The following SYN3 variants were observed in gnomAD, a reference collection of about 807,000 sequenced individuals.
SYN3 encodes the protein synapsin III, also known as synapsin-3.
SYN3 carries 35 observed loss-of-function variants against 65.8 expected under a neutral mutation model. The observed-to-expected ratio is 0.53, with a 90% CI of 0.41 to 0.70. SYN3 has a LOEUF of 0.70. Ranked by LOEUF, SYN3 falls within the 30% of genes least tolerant of loss-of-function variation. The pLI is 0.00. For missense variants in SYN3, 680 were observed against 749.0 expected, an observed-to-expected ratio of 0.91 and a Z score of 1.08; for synonymous variants, 270 against 292.9, an observed-to-expected ratio of 0.92 and a Z score of 0.80.
intron 6 of SYN3, among the ~76,000 whole-genome samples, chr22:32,723,684 C>T (rs900629663): frequency 4.6e-5 from 7 of 152,244 alleles, no homozygotes; most frequent in African/African-American, 1.7e-4. Flanking sequence ...AGCCCCTCCA[C>T]CCCTTTATGA....
intron 6 of SYN3, among the ~76,000 whole-genome samples, chr22:32,608,504 A>C (rs1175687959): frequency 1.3e-5 from 2 of 152,254 alleles, no homozygotes; most frequent in Admixed American, 1.3e-4. Flanking sequence ...TTAAGATTAA[A>C]GATAAATGTA....
intron 6 of SYN3, among the ~76,000 whole-genome samples, chr22:32,687,474 T>C (rs1170639789): frequency 1.3e-5 from 2 of 152,170 alleles, no homozygotes; most frequent in African/African-American, 2.4e-5. Context: ...GTCTCCCTTT[T>C]AAATATACCT....
intron 1 of SYN3, among the ~76,000 whole-genome samples, chr22:33,028,900 C>T (rs1009866905): frequency 4.0e-5 from 6 of 151,888 alleles, no homozygotes; most frequent in African/African-American, 9.7e-5. Context: ...ACTAGCCGGG[C>T]GTGGTGGCGG....
At chr22:32,869,169 A>G in intron 4 of SYN3, 44 bp from the exon 5 acceptor site, 1 of 1,593,260 alleles carries the variant, frequency 6.3e-7, no homozygotes, top group Non-Finnish European at 8.6e-7. Flanking sequence ...GACATTGATG[A>G]AACACCAGGG....
intron 1 of SYN3, among the ~76,000 whole-genome samples, chr22:33,008,772 T>TA (rs1178065781): frequency 7.9e-5 from 12 of 151,296 alleles, no homozygotes; most frequent in Non-Finnish European, 1.6e-4. Flanking sequence ...ATAATTTTTT[T>TA]TAAAAAGCTG....
At chr22:32,977,667 C>T (rs2052243830) in intron 3 of SYN3, among the ~76,000 whole-genome samples, 1 of 151,288 alleles carries the variant, frequency 6.6e-6, no homozygotes. Context: ...TTGCTTGAAC[C>T]CGGGAGGCAG....
intron 6 of SYN3, among the ~76,000 whole-genome samples, chr22:32,825,748 A>C (rs5754304): frequency 0.057 from 8,459 of 147,176 alleles, 305 homozygotes; most frequent in African/African-American, 0.088. Flanking sequence ...TTATTTGTAC[A>C]TATGTGCATG....
chr22:32,516,298 C>T (rs867953550), intron 13 of SYN3, among the ~76,000 whole-genome samples: 10 of 152,048 alleles, frequency 6.6e-5, no homozygotes, highest in African/African-American at 9.7e-5. Flanking sequence ...GGTAGCAAAG[C>T]GTTGGATGAG....
intron 4 of SYN3, among the ~76,000 whole-genome samples, chr22:32,921,932 A>G (rs188965818): frequency 6.6e-6 from 1 of 152,280 alleles, no homozygotes; most frequent in East Asian, 1.9e-4. Flanking sequence ...GGCAGCCTGC[A>G]GCCTGCTCCA....
chr22:32,805,077 C>G (rs1406841028), intron 6 of SYN3, among the ~76,000 whole-genome samples: 1 of 152,082 alleles, frequency 6.6e-6, no homozygotes, highest in Non-Finnish European at 1.5e-5. Context: ...GCTGGCAGGG[C>G]TGAGGGGGGT....
intron 1 of SYN3, among the ~76,000 whole-genome samples, 190 bp from the exon 2 acceptor site, chr22:33,007,014 G>A (rs796947931): frequency 6.6e-5 from 10 of 152,110 alleles, no homozygotes; most frequent in South Asian, 2.1e-4. Context: ...GAATTATATC[G>A]CAAAGAAAGA....
intron 1 of SYN3, among the ~76,000 whole-genome samples, chr22:33,053,106 C>A (rs1029905727): frequency 6.6e-6 from 1 of 152,122 alleles, no homozygotes; most frequent in Non-Finnish European, 1.5e-5. Flanking sequence ...CTCCATATCC[C>A]AAGTATAAAA....
chr22:32,831,927 G>A (rs976901559), intron 6 of SYN3, among the ~76,000 whole-genome samples: 2 of 152,192 alleles, frequency 1.3e-5, no homozygotes, highest in African/African-American at 4.8e-5. Flanking sequence ...TTGAGGCAAG[G>A]AGCTGAATAA....
intron 6 of SYN3, among the ~76,000 whole-genome samples, chr22:32,820,976 C>G (rs2047230315): frequency 6.6e-6 from 1 of 152,130 alleles, no homozygotes. Flanking sequence ...CTGAGCCAAG[C>G]ATGACCAATC....
chr22:32,748,442 A>G (rs755512113), intron 6 of SYN3, among the ~76,000 whole-genome samples: 47 of 152,216 alleles, frequency 3.1e-4, no homozygotes, highest in Non-Finnish European at 5.3e-4. Context: ...AGAAAATGGC[A>G]AAACCAAGAA....
At chr22:32,860,986 T>C (rs920326345) in intron 6 of SYN3, 3 of 151,672 alleles carry the variant, frequency 2.0e-5, no homozygotes, top group African/African-American at 7.3e-5. Context: ...TAAGTTTTAG[T>C]GTCAAAAGTG....
intron 6 of SYN3, among the ~76,000 whole-genome samples, chr22:32,683,365 C>T (rs2060549159): frequency 6.6e-6 from 1 of 152,090 alleles, no homozygotes; most frequent in South Asian, 2.1e-4. Context: ...CCTCTCTAGG[C>T]TTCCATGGCC....
At chr22:32,582,645 C>T (rs1026784130) in intron 7 of SYN3, among the ~76,000 whole-genome samples, 58 of 152,254 alleles carry the variant, frequency 3.8e-4, no homozygotes, top group African/African-American at 1.4e-3. Flanking sequence ...CTCCTGAAAA[C>T]TTCTGGGATT....
intron 2 of SYN3, among the ~76,000 whole-genome samples, chr22:32,998,791 A>AAAAAAAAAAAAAAC (rs1569393622): frequency 7.0e-6 from 1 of 142,248 alleles, no homozygotes; most frequent in Non-Finnish European, 1.5e-5. Flanking sequence ...AAAAAAAAAA[A>AAAAAAAAAAAAAAC]AAAAAAAACA....
Sources: allele counts gnomAD v4.1 joint callset (sites outside exome capture counted in the v4.1 genomes callset), GRCh38; gene constraint gnomAD v4.1.1; transcripts MANE v1.5; gene names NCBI Gene and HGNC (gene_info 2026-07-23, HGNC 2026-07-21).